The following GRM1 variants were observed in gnomAD, a reference collection of about 807,000 sequenced individuals.
GRM1 encodes the protein glutamate metabotropic receptor 1, also known as metabotropic glutamate receptor 1.
Under a neutral mutation model 90.9 loss-of-function variants are expected in GRM1, and 33 were observed. The ratio of observed to expected loss-of-function variants is 0.36; its 90% CI spans 0.28 to 0.49. The LOEUF is 0.49. Ranked by LOEUF, GRM1 falls within the 20% of genes least tolerant of loss-of-function variation. The pLI is 0.99. For missense variants in GRM1, 1,190 were observed against 1,534.3 expected, an observed-to-expected ratio of 0.78 and a Z score of 3.75; for synonymous variants, 700 against 613.2, an observed-to-expected ratio of 1.14 and a Z score of -2.09.
At chr6:146,363,611 G>A (rs1390576700) in intron 5 of GRM1, among the ~76,000 whole-genome samples, 1 of 152,070 alleles carries the variant, frequency 6.6e-6, no homozygotes, top group Non-Finnish European at 1.5e-5. Flanking sequence ...ACATATGTGT[G>A]GGTATATTAT....
chr6:146,179,642 A>T (rs9497472), intron 2 of GRM1, among the ~76,000 whole-genome samples: 37,620 of 151,814 alleles, frequency 0.25, 8,126 homozygotes, highest in African/African-American at 0.59. Flanking sequence ...GCCTCCCAAG[A>T]AGCTGGGACT....
intron 2 of GRM1, among the ~76,000 whole-genome samples, chr6:146,287,028 C>T (rs1394480911): frequency 6.6e-6 from 1 of 152,128 alleles, no homozygotes; most frequent in Non-Finnish European, 1.5e-5. Context: ...ACAGGCAATT[C>T]AATCATTTGA....
chr6:146,127,476 T>C (rs930670829), intron 1 of GRM1, among the ~76,000 whole-genome samples: 3 of 152,186 alleles, frequency 2.0e-5, no homozygotes, highest in Non-Finnish European at 4.4e-5. Flanking sequence ...GCAGGTGATA[T>C]TGTTCATGGC....
chr6:146,039,300 T>C (rs1791011241), intron 1 of GRM1, among the ~76,000 whole-genome samples: 1 of 151,980 alleles, frequency 6.6e-6, no homozygotes, highest in Non-Finnish European at 1.5e-5. Flanking sequence ...TGAAGTTCAC[T>C]ATATCCGAGG....
At chr6:146,273,227 C>G (rs1390705829) in intron 2 of GRM1, among the ~76,000 whole-genome samples, 1 of 152,030 alleles carries the variant, frequency 6.6e-6, no homozygotes, top group East Asian at 1.9e-4. Flanking sequence ...TATATAGTAT[C>G]CTGGTGAATA....
intron 3 of GRM1, among the ~76,000 whole-genome samples, chr6:146,344,144 G>A (rs1196201702): frequency 2.6e-5 from 4 of 151,948 alleles, no homozygotes; most frequent in South Asian, 2.1e-4. Flanking sequence ...CTCCTTTTGC[G>A]TATTTGTAAC....
At position 146,399,427 on chromosome 6, in the gene GRM1, C is replaced by T. The variant is rs763150447; in HGVS notation, c.2388C>T (p.Ile796=). Residue 796 remains isoleucine, a synonymous_variant, in exon 7 of 8, where the codon ATC becomes ATT. Transcript: ENST00000282753. The surrounding 1 kb of genome is among the most constrained non-coding windows in gnomAD (Gnocchi z 5.4). ...CGTTCACCATGTACACCACCTGTAT[C>T]ATCTGGCTAGCTTTTGTGCCCATTT... ...YIAFTMYTTC[I]IWLAFVPIYF... is the part of the protein sequence containing the mutation. 1.2e-6 allele frequency: 2 copies of T among 1,614,198 alleles called. No individual in the cohort carries two copies. The highest frequency in any genetic ancestry group is 2.2e-5 in the South Asian group (2 of 91,076).
At chr6:146,320,550 C>A (rs1456011772) in intron 3 of GRM1, among the ~76,000 whole-genome samples, 1 of 151,448 alleles carries the variant, frequency 6.6e-6, no homozygotes, top group Non-Finnish European at 1.5e-5. Flanking sequence ...GTAGCAGCAA[C>A]TCTTTGTACC....
intron 3 of GRM1, among the ~76,000 whole-genome samples, chr6:146,310,080 T>C (rs1000286734): frequency 1.3e-5 from 2 of 152,198 alleles, no homozygotes; most frequent in African/African-American, 2.4e-5. Flanking sequence ...TTAGAAGACA[T>C]AATGAAAGAA....
In GRM1 at chr6:146,030,167, A is replaced by G. The variant is rs147420668; in HGVS notation, c.650A>G (p.Asp217Gly). ...ACTTTGCAGGCAAGGGCCATGCTTG[A>G]CATAGTCAAACGTTACAATTGGACC... ...SDTLQARAML[D>G]IVKRYNWTYV... Residue 217 changes from aspartate to glycine, a missense_variant, in exon 1 of 8, where the codon GAC (aspartate) becomes GGC (glycine). Physicochemically the swap from Asp to Gly is moderately conservative, Grantham distance 94. This residue lies in a region of GRM1 where 46 missense variants were observed against 116.1 expected (regional missense o/e 0.40). Coordinates refer to ENST00000282753, the MANE Select transcript of GRM1 (RefSeq NM_001278064.2). The G allele has an allele frequency of 6.2e-7, 1 of 1,614,096 alleles. No individual in the cohort carries two copies. Among genetic ancestry groups the G allele is most frequent in the Non-Finnish European group, 8.5e-7 (1 of 1,179,934 alleles).
At chr6:146,343,695 CTT>C (rs1785068520) in intron 3 of GRM1, among the ~76,000 whole-genome samples, 1 of 136,400 alleles carries the variant, frequency 7.3e-6, no homozygotes, top group Admixed American at 7.1e-5. Context: ...GAGATGGAGT[CTT>C]TCTCTGTTGC....
At chr6:146,419,777 C>G (rs1264058882) in intron 7 of GRM1, among the ~76,000 whole-genome samples, 1 of 152,164 alleles carries the variant, frequency 6.6e-6, no homozygotes, top group Non-Finnish European at 1.5e-5. Context: ...CTCCTGAGAG[C>G]ACACTCACTA....
rs776814332 is a variant in GRM1, at chr6:146,434,917, C to G, written c.*121C>G. The stretch of plus-strand genomic sequence containing the variant: ...GGGCCTCGTCGGGAGGACAGGAGAC[C>G]GCTGCTGCTGCTGCCGCTACTGCTG... On this transcript the variant is annotated 3_prime_UTR_variant, in exon 8 of 8. Transcript: ENST00000282753. 48 of 841,860 alleles carry G rather than the reference C, an allele frequency of 5.7e-5. No homozygotes were observed. Among genetic ancestry groups the G allele is most frequent in the Non-Finnish European group, 8.2e-5 (42 of 510,208 alleles). 52.1% of individuals were successfully genotyped at this position (841,860 alleles called of 1,614,324 possible). A position where few individuals can be genotyped will look rare whatever the true frequency, so the allele number is the denominator to read the frequency against.
At chr6:146,126,574 T>C (rs1776207339) in intron 1 of GRM1, among the ~76,000 whole-genome samples, 1 of 152,162 alleles carries the variant, frequency 6.6e-6, no homozygotes, top group Admixed American at 6.5e-5. Context: ...ATCGATCTAT[T>C]ACAGACACAT....
chr6:146,260,050 T>C (rs1781632987), intron 2 of GRM1, among the ~76,000 whole-genome samples: 1 of 151,772 alleles, frequency 6.6e-6, no homozygotes, highest in Non-Finnish European at 1.5e-5. Flanking sequence ...AGGATACATG[T>C]GCAGAACGTG....
intron 1 of GRM1, among the ~76,000 whole-genome samples, chr6:146,038,313 G>C (rs540060056): frequency 6.6e-6 from 1 of 151,866 alleles, no homozygotes; most frequent in Admixed American, 6.6e-5. Context: ...AGGGTGGCTA[G>C]AGTTGAAATC....
intron 3 of GRM1, among the ~76,000 whole-genome samples, chr6:146,336,691 C>T (rs752800512): frequency 7.2e-5 from 11 of 152,176 alleles, no homozygotes; most frequent in South Asian, 2.1e-4. Context: ...CTTTGCTCCT[C>T]GCCTTGACCT....
intron 3 of GRM1, among the ~76,000 whole-genome samples, chr6:146,322,749 C>T (rs564989146): frequency 2.6e-5 from 4 of 151,982 alleles, no homozygotes; most frequent in Non-Finnish European, 4.4e-5. Context: ...CTATCCCTCC[C>T]GCCCTCCACC....
intron 7 of GRM1, among the ~76,000 whole-genome samples, chr6:146,417,964 T>C (rs1777846878): frequency 6.6e-6 from 1 of 152,156 alleles, no homozygotes. Context: ...ACCTTTTTTT[T>C]CCTCCTAATT....
Sources: allele counts gnomAD v4.1 joint callset (sites outside exome capture counted in the v4.1 genomes callset), GRCh38; gene constraint gnomAD v4.1.1; regional missense constraint gnomAD v4.1.1; non-coding constraint Gnocchi (gnomAD v3.1); transcripts MANE v1.5; gene names NCBI Gene and HGNC (gene_info 2026-07-23, HGNC 2026-07-21).